MSI2: variants seen among roughly 807,000 people sequenced by gnomAD.
MSI2 encodes the protein musashi RNA binding protein 2, also known as RNA-binding protein Musashi homolog 2.
Under a neutral mutation model 45.6 loss-of-function variants are expected in MSI2, and 17 were observed. The observed-to-expected ratio is 0.37, with a 90% CI of 0.26 to 0.56. MSI2 has a LOEUF of 0.56. MSI2 is among the 20% of genes least tolerant of loss of function. The pLI, the probability that MSI2 is intolerant of heterozygous loss-of-function variation, is 0.77. For synonymous variants in MSI2, 156 were observed against 158.2 expected (o/e 0.99, Z 0.11); for missense variants, 293 against 444.2 (o/e 0.66, Z 3.06).
intron 6 of MSI2, among the ~76,000 whole-genome samples, chr17:57,410,688 A>C (rs1399327739): frequency 5.3e-5 from 8 of 152,026 alleles, no homozygotes; most frequent in Admixed American, 1.3e-4. Context: ...GTGAAAGTAG[A>C]TTAGTTGTAA....
chr17:57,529,105 A>G lies in MSI2; in HGVS notation c.406-571A>G, dbSNP rs1251060151. 1.3e-5 allele frequency among the ~76,000 whole-genome samples: 2 copies of G among 152,186 alleles called. No homozygotes were observed. Among genetic ancestry groups the G allele is most frequent in the Admixed American group, 6.5e-5 (1 of 15,274 alleles). On this transcript the variant is annotated intron_variant, in intron 6 of 13. Transcript: ENST00000284073. This position sits in a 1 kb window ranked among gnomAD's most constrained non-coding sequence, Gnocchi z 5.3. ...TTCCATATACTATATGATTTAAACTATATTGAAATAGTCATAGTTTTTTCT... is the reference window on the plus strand; with the variant it reads ...TTCCATATACTATATGATTTAAACTGTATTGAAATAGTCATAGTTTTTTCT...
intron 6 of MSI2, among the ~76,000 whole-genome samples, chr17:57,406,581 C>T (rs759414415): frequency 7.9e-5 from 12 of 152,148 alleles, no homozygotes; most frequent in Non-Finnish European, 1.5e-4. Context: ...CAAAGCAGCC[C>T]GCATTTGGAG....
intron 6 of MSI2, among the ~76,000 whole-genome samples, chr17:57,522,094 ACCCAGGCAGCGGCTGTCTCCACCACAGGC>A (rs2086598481): frequency 6.6e-6 from 1 of 151,996 alleles, no homozygotes; most frequent in South Asian, 2.1e-4. Flanking sequence ...GTAATCCTGG[ACCCAGGCAGCGGCTGTCTCCACCACAGGC>A]CCCAGGCACC....
chr17:57,603,004 A>G (rs1327648566), intron 8 of MSI2, among the ~76,000 whole-genome samples: 1 of 152,230 alleles, frequency 6.6e-6, no homozygotes, highest in Non-Finnish European at 1.5e-5. Context: ...TTGCCCAGCC[A>G]TCATCATCAG....
At chr17:57,293,607 G>GTTTTTTTTTTTTT (rs59810704) in intron 5 of MSI2, among the ~76,000 whole-genome samples, 1 of 68,860 alleles carries the variant, frequency 1.5e-5, no homozygotes, top group Admixed American at 1.7e-4. Flanking sequence ...TTTTTTTTTT[G>GTTTTTTTTTTTTT]TTTTTTTTTG....
At chr17:57,528,080 C>T (rs1005883631) in intron 6 of MSI2, among the ~76,000 whole-genome samples, 4 of 148,274 alleles carry the variant, frequency 2.7e-5, no homozygotes, top group East Asian at 2.1e-4. Context: ...GAGGACAGGG[C>T]CCCCCGCTAA....
At chr17:57,667,502 C>A (rs983178318) in intron 11 of MSI2, among the ~76,000 whole-genome samples, 8 of 152,146 alleles carry the variant, frequency 5.3e-5, no homozygotes, top group African/African-American at 1.9e-4. Context: ...GGACAAGCCC[C>A]GTGCCAATGC....
intron 6 of MSI2, among the ~76,000 whole-genome samples, chr17:57,526,077 T>C (rs1003408891): frequency 2.6e-5 from 4 of 151,728 alleles, no homozygotes; most frequent in African/African-American, 9.7e-5. Context: ...ATACAAAAAT[T>C]AGCCAGGCAT....
At chr17:57,327,706 G>A (rs964099209) in intron 5 of MSI2, among the ~76,000 whole-genome samples, 3 of 152,092 alleles carry the variant, frequency 2.0e-5, no homozygotes, top group Non-Finnish European at 4.4e-5. Flanking sequence ...CAATCTTGTC[G>A]CAAAAACCAA....
chr17:57,322,282 G>C (rs1913414609), intron 5 of MSI2, among the ~76,000 whole-genome samples: 1 of 152,206 alleles, frequency 6.6e-6, no homozygotes, highest in South Asian at 2.1e-4. Context: ...GCAGGAGGCA[G>C]ACACACCTTG....
intron 6 of MSI2, among the ~76,000 whole-genome samples, chr17:57,526,525 A>G (rs1598366382): frequency 6.6e-6 from 1 of 152,078 alleles, no homozygotes; most frequent in East Asian, 1.9e-4. Flanking sequence ...TGACTCACAC[A>G]AGCCGCTTCT....
At chr17:57,316,226 T>A (rs1198429660) in intron 5 of MSI2, among the ~76,000 whole-genome samples, 1 of 152,118 alleles carries the variant, frequency 6.6e-6, no homozygotes, top group Non-Finnish European at 1.5e-5. Context: ...ACATTTACAA[T>A]CTCTAAATTT....
rs374174478 is a variant in MSI2, at chr17:57,518,376, C to A, written c.406-11300C>A. Reference sequence around the variant, plus strand: ...CAGCTACGCTTGTCACCATCCGAGACTGCATTGGCCACAGGAGATGTGGAT... The same window carrying A: ...CAGCTACGCTTGTCACCATCCGAGAATGCATTGGCCACAGGAGATGTGGAT... On this transcript the variant is annotated intron_variant, in intron 6 of 13. Coordinates refer to ENST00000284073, the MANE Select transcript of MSI2 (RefSeq NM_138962.4). Among the ~76,000 whole-genome samples the A allele has an allele frequency of 1.8e-4, 27 of 152,294 alleles. No homozygotes were observed. In the South Asian group the frequency reaches 2.5e-3, roughly 14 times the overall value.
At chr17:57,303,966 C>T in intron 5 of MSI2, among the ~76,000 whole-genome samples, 1 of 152,032 alleles carries the variant, frequency 6.6e-6, no homozygotes, top group East Asian at 1.9e-4. Context: ...ACCTGAATTA[C>T]TAGAGGGAGG....
chr17:57,662,788 C>T (rs937477159), intron 11 of MSI2, among the ~76,000 whole-genome samples: 4 of 152,230 alleles, frequency 2.6e-5, no homozygotes, highest in Non-Finnish European at 5.9e-5. Flanking sequence ...ATTTTTTGCA[C>T]CTGCTCCTGC....
At chr17:57,557,936 G>A (rs1478685990) in intron 7 of MSI2, among the ~76,000 whole-genome samples, 3 of 152,200 alleles carry the variant, frequency 2.0e-5, no homozygotes, top group Admixed American at 6.5e-5. Context: ...CTCCTTGGGT[G>A]CTGAGGACCT....
intron 5 of MSI2, among the ~76,000 whole-genome samples, chr17:57,316,917 TTC>T (rs1912895701): frequency 6.6e-6 from 1 of 150,928 alleles, no homozygotes; most frequent in Non-Finnish European, 1.5e-5. Flanking sequence ...GCTGATGATC[TTC>T]TCAAAAGACT....
chr17:57,509,561 CA>C (rs1386362113), intron 6 of MSI2, among the ~76,000 whole-genome samples: 1 of 152,198 alleles, frequency 6.6e-6, no homozygotes. Context: ...GCTGGGATTA[CA>C]CACATCTGCC....
intron 7 of MSI2, among the ~76,000 whole-genome samples, chr17:57,536,258 C>A (rs149425655): frequency 6.6e-6 from 1 of 152,154 alleles, no homozygotes; most frequent in Admixed American, 6.5e-5. Context: ...TAGGGAAGAA[C>A]GTTGGGACTG....
Sources: gnomAD v4.1 joint callset for allele counts (sites outside exome capture counted in the v4.1 genomes callset) on GRCh38, gnomAD v4.1.1 for gene constraint, Gnocchi (gnomAD v3.1) non-coding constraint, MANE v1.5 for transcripts, NCBI Gene and HGNC (gene_info 2026-07-23, HGNC 2026-07-21) for gene names.